KDM4C: variants seen among roughly 807,000 people sequenced by gnomAD.
KDM4C encodes lysine demethylase 4C.
In KDM4C, 81 loss-of-function variants were observed where a neutral mutation model predicts 129.3. The ratio of observed to expected loss-of-function variants is 0.63; its 90% confidence interval spans 0.52 to 0.75. KDM4C has a LOEUF of 0.75. Among genes scored for constraint, KDM4C ranks in the 30% least tolerant of loss-of-function variants. The probability of loss-of-function intolerance (pLI) is 0.00; values close to 1 mark genes in which losing one functional copy is unlikely to be tolerated. For synonymous variants in KDM4C, 573 were observed against 456.1 expected (o/e 1.26, Z -3.26); for missense variants, 1,457 against 1,304.0 (o/e 1.12, Z -1.81).
chr9:6,790,044 C>T (rs1042591212), intron 1 of KDM4C, among the ~76,000 whole-genome samples: 2 of 148,678 alleles, frequency 1.3e-5, no homozygotes, highest in African/African-American at 2.5e-5. Context: ...GAGGCCGAGG[C>T]GGGTGGGATC....
At chr9:6,954,498 C>G (rs113318264) in intron 8 of KDM4C, among the ~76,000 whole-genome samples, 4 of 152,218 alleles carry the variant, frequency 2.6e-5, no homozygotes, top group Middle Eastern at 3.4e-3. Flanking sequence ...CAGACATGAT[C>G]TTTTTATTTG....
intron 15 of KDM4C, among the ~76,000 whole-genome samples, chr9:7,046,261 A>T (rs1167420255): frequency 6.6e-6 from 1 of 152,020 alleles, no homozygotes; most frequent in Non-Finnish European, 1.5e-5. Flanking sequence ...AGGATAAAGC[A>T]AAACGTTTCT....
At chr9:7,138,843 C>G (rs987402764) in intron 19 of KDM4C, among the ~76,000 whole-genome samples, 6 of 151,922 alleles carry the variant, frequency 3.9e-5, no homozygotes, top group Admixed American at 3.9e-4. Flanking sequence ...ATAAAAGATG[C>G]CTTTTGTAGA....
intron 1 of KDM4C, among the ~76,000 whole-genome samples, chr9:6,778,711 G>T (rs886443132): frequency 6.6e-6 from 1 of 151,930 alleles, no homozygotes; most frequent in East Asian, 2.0e-4. Flanking sequence ...AGGTTGCAGT[G>T]AGCTGGGATC....
chr9:6,889,213 G>T (rs1405887662), intron 7 of KDM4C, among the ~76,000 whole-genome samples: 11 of 58,100 alleles, frequency 1.9e-4, no homozygotes, highest in African/African-American at 5.3e-4. Context: ...CCTTCTTTTT[G>T]TGTGTGTGTG....
At chr9:6,909,613 TAA>T (rs560729286) in intron 8 of KDM4C, among the ~76,000 whole-genome samples, 1 of 149,612 alleles carries the variant, frequency 6.7e-6, no homozygotes, top group Non-Finnish European at 1.5e-5. Context: ...TGTATTTATG[TAA>T]AAAAAAAATA....
At chr9:7,097,564 C>T (rs535677322) in intron 17 of KDM4C, among the ~76,000 whole-genome samples, 1 of 152,192 alleles carries the variant, frequency 6.6e-6, no homozygotes, top group African/African-American at 2.4e-5. Flanking sequence ...CCGCAGGTAG[C>T]TGTCATGAAG....
chr9:7,048,337 T>C (rs1400377740), intron 16 of KDM4C, among the ~76,000 whole-genome samples: 2 of 152,140 alleles, frequency 1.3e-5, no homozygotes, highest in African/African-American at 4.8e-5. Flanking sequence ...AGTCTGATAC[T>C]GTTTGAGTGA....
chr9:6,960,282 ATTTTTTTT>A, intron 8 of KDM4C, among the ~76,000 whole-genome samples: 1 of 143,262 alleles, frequency 7.0e-6, no homozygotes, highest in East Asian at 2.0e-4. Flanking sequence ...AATGTTTTTA[ATTTTTTTT>A]TTTTTTTTTT....
intron 1 of KDM4C, among the ~76,000 whole-genome samples, chr9:6,750,438 C>CA (rs1185293523): frequency 0.096 from 9,776 of 101,696 alleles, 467 homozygotes; most frequent in Non-Finnish European, 0.14. Context: ...GACTCTGTCT[C>CA]AAAAAAAAAA....
intron 12 of KDM4C, among the ~76,000 whole-genome samples, chr9:7,001,644 G>C (rs927201942): frequency 6.6e-6 from 1 of 152,216 alleles, no homozygotes; most frequent in Non-Finnish European, 1.5e-5. Context: ...TGTTTTGTGT[G>C]ATCTGCCACG....
At chr9:7,096,365 G>C (rs1249686989) in intron 17 of KDM4C, among the ~76,000 whole-genome samples, 1 of 152,132 alleles carries the variant, frequency 6.6e-6, no homozygotes, top group Non-Finnish European at 1.5e-5. Flanking sequence ...GTGCAGAGGG[G>C]AAGCACTATT....
At chr9:7,108,616 G>C (rs1252191771) in intron 18 of KDM4C, among the ~76,000 whole-genome samples, 1 of 152,148 alleles carries the variant, frequency 6.6e-6, no homozygotes, top group African/African-American at 2.4e-5. Flanking sequence ...TCCTCATGAG[G>C]CATGGGCTTA....
At position 7,110,463 on chromosome 9, in the gene KDM4C, C is replaced by T. The variant is rs191895916; in HGVS notation, c.2610+6593C>T. On this transcript the variant is annotated intron_variant, in intron 18 of 21. Transcript: ENST00000381309. ...TTGAGGGCTTATTAATGCAATTTCT[C>T]CTTTCCTAAGTGATGCCTAAAGATT... 2.0e-5 allele frequency among the ~76,000 whole-genome samples: 3 copies of T among 152,232 alleles called. No homozygotes were observed. In the East Asian group the frequency reaches 5.8e-4, roughly 29 times the overall value.
intron 12 of KDM4C, among the ~76,000 whole-genome samples, chr9:6,991,643 GT>G (rs1818768069): frequency 6.6e-6 from 1 of 152,136 alleles, no homozygotes; most frequent in Admixed American, 6.5e-5. Flanking sequence ...AGAAGCTCAA[GT>G]TTCTTGTTTA....
intron 8 of KDM4C, among the ~76,000 whole-genome samples, chr9:6,935,091 C>T (rs1037466734): frequency 1.3e-5 from 2 of 152,036 alleles, no homozygotes; most frequent in Admixed American, 1.3e-4. Flanking sequence ...TCCTTAACTA[C>T]TGACTTAGAA....
chr9:7,013,843 T>C lies in KDM4C; in HGVS notation c.2024T>C (p.Val675Ala). The C allele has an allele frequency of 6.2e-7, 1 of 1,613,996 alleles. No homozygotes were observed. The highest frequency in any genetic ancestry group is 8.5e-7 in the Non-Finnish European group (1 of 1,179,910). Residue 675 changes from valine (V) to alanine (A), a missense_variant, in exon 14 of 22, where the codon GTC becomes GCC. Transcript: ENST00000381309. Reference sequence around the variant, plus strand: ...AGATGGGAGACAAAATTAGATGAAGTCGTTACATCGGAGGGAAAGACTAAG... The same window carrying C: ...AGATGGGAGACAAAATTAGATGAAGCCGTTACATCGGAGGGAAAGACTAAG... ...DARWETKLDE[V>A]VTSEGKTKPL...
chr9:6,877,669 A>G (rs1193877978), intron 5 of KDM4C, among the ~76,000 whole-genome samples: 1 of 152,194 alleles, frequency 6.6e-6, no homozygotes, highest in African/African-American at 2.4e-5. Flanking sequence ...ATGGAGGCAT[A>G]TTGCTTCTTG....
At chr9:7,153,529 C>G (rs1000355822) in intron 19 of KDM4C, among the ~76,000 whole-genome samples, 2 of 152,168 alleles carry the variant, frequency 1.3e-5, no homozygotes, top group African/African-American at 4.8e-5. Context: ...TAGATGCTTC[C>G]ATCAATATGC....
Sources: allele counts gnomAD v4.1 joint callset (sites outside exome capture counted in the v4.1 genomes callset), GRCh38; gene constraint gnomAD v4.1.1; transcripts MANE v1.5; gene names NCBI Gene and HGNC (gene_info 2026-07-23, HGNC 2026-07-21).